PPP6R3: variants seen among roughly 807,000 people sequenced by gnomAD.
The protein encoded by PPP6R3 is serine/threonine-protein phosphatase 6 regulatory subunit 3.
PPP6R3 carries 38 observed loss-of-function variants against 110.7 expected under a neutral mutation model. The ratio of observed to expected loss-of-function variants is 0.34; its 90% CI spans 0.26 to 0.45. The LOEUF is 0.45. PPP6R3 is among the 20% of genes least tolerant of loss of function. The probability of loss-of-function intolerance (pLI) is 1.00; values close to 1 mark genes in which losing one functional copy is unlikely to be tolerated. For missense variants in PPP6R3, 870 were observed against 1,062.4 expected (o/e 0.82, Z 2.52); for synonymous variants, 369 against 373.5 (o/e 0.99, Z 0.14).
chr11:68,488,026 A>G (rs2098959381), intron 1 of PPP6R3, among the ~76,000 whole-genome samples: 2 of 152,138 alleles, frequency 1.3e-5, no homozygotes, highest in African/African-American at 4.8e-5. Context: ...TTTTTGCCTC[A>G]TGTATTTTGA....
intron 9 of PPP6R3, among the ~76,000 whole-genome samples, chr11:68,565,967 GGAGGGGCA>G (rs1342253929): frequency 6.6e-6 from 1 of 152,168 alleles, no homozygotes; most frequent in Admixed American, 6.5e-5. Flanking sequence ...ATGTGGATGG[GGAGGGGCA>G]GAAAGGGCAG....
intron 1 of PPP6R3, among the ~76,000 whole-genome samples, chr11:68,490,917 C>T (rs532493671): frequency 1.4e-4 from 22 of 152,158 alleles, no homozygotes; most frequent in African/African-American, 5.3e-4. Flanking sequence ...TGCTAGTGGC[C>T]GGGCATGGCC....
chr11:68,568,495 T>A (rs534708962), intron 10 of PPP6R3, among the ~76,000 whole-genome samples: 16 of 152,300 alleles, frequency 1.1e-4, no homozygotes, highest in African/African-American at 3.6e-4. Flanking sequence ...AATATGGCAT[T>A]TTGTACTTTT....
chr11:68,513,507 C>T (rs1320620551), intron 1 of PPP6R3, among the ~76,000 whole-genome samples: 2 of 152,204 alleles, frequency 1.3e-5, no homozygotes, highest in Admixed American at 6.5e-5. Context: ...ACATAACAGA[C>T]TTTGAAACAG....
Position 68,476,331 on chromosome 11 carries a change from C to T in PPP6R3, c.-158+15504C>T, listed in dbSNP as rs530461009. Among the ~76,000 whole-genome samples, 104 of 152,208 alleles carry T rather than the reference C, an allele frequency of 6.8e-4. No individual in the cohort carries two copies. In the East Asian group the frequency reaches 0.012, roughly 18 times the overall value. ...TACGAAAACCAGTCAGGCGTGGCGGCGCACGCCTGCAATCGCAGGCACTGG... is the reference window on the plus strand; with the variant it reads ...TACGAAAACCAGTCAGGCGTGGCGGTGCACGCCTGCAATCGCAGGCACTGG... On this transcript the variant is annotated intron_variant, in intron 1 of 23. Coordinates refer to ENST00000393800, the MANE Select transcript of PPP6R3 (RefSeq NM_001164161.2).
chr11:68,553,015 G>A (rs77920578), intron 6 of PPP6R3, among the ~76,000 whole-genome samples: 4,456 of 152,240 alleles, frequency 0.029, 250 homozygotes, highest in African/African-American at 0.1. Flanking sequence ...AAATTATACT[G>A]GCCAGTTGAT....
At chr11:68,467,993 C>G (rs1166568473) in intron 1 of PPP6R3, among the ~76,000 whole-genome samples, 1 of 152,116 alleles carries the variant, frequency 6.6e-6, no homozygotes, top group Non-Finnish European at 1.5e-5. Flanking sequence ...AGGCTGGTCT[C>G]AAACTCCTGA....
At chr11:68,554,613 G>T (rs149730086) in intron 7 of PPP6R3, among the ~76,000 whole-genome samples, 1 of 152,298 alleles carries the variant, frequency 6.6e-6, no homozygotes. Context: ...ATTTTATTCA[G>T]CAGCTTTTGT....
In PPP6R3 at chr11:68,613,437, T is replaced by C. The variant is rs1944486685; in HGVS notation, c.*320T>C. The C allele has an allele frequency of 9.6e-7, 1 of 1,044,084 alleles. No homozygotes were observed. Among genetic ancestry groups the C allele is most frequent in the Non-Finnish European group, 1.2e-6 (1 of 868,242 alleles). The allele number at this position is 1,044,084 out of a possible 1,614,324, so 64.7% of individuals were successfully genotyped here. On this transcript the variant is annotated 3_prime_UTR_variant, in exon 24 of 24. Transcript: ENST00000393800. ...ACTATAGTTAAAATGGCTGTAAGAA[T>C]AGTTTTATAAAAGTGAATACACAGA... is the stretch of plus-strand genomic sequence containing the variant.
chr11:68,540,623 C>T (rs942566266), intron 3 of PPP6R3, among the ~76,000 whole-genome samples: 8 of 152,196 alleles, frequency 5.3e-5, no homozygotes, highest in Admixed American at 4.6e-4. Context: ...CCTAATAAGC[C>T]TGGGAGCATT....
At position 68,576,033 on chromosome 11, in the gene PPP6R3, C is replaced by T. The variant is rs1413152195; in HGVS notation, c.1535C>T (p.Thr512Met). The T allele has an allele frequency of 5.0e-6, 8 of 1,603,912 alleles. No individual in the cohort carries two copies. Among genetic ancestry groups the T allele is most frequent in the South Asian group, 1.1e-5 (1 of 90,394 alleles). ...TTAGGAGAAACTAACAAGAGGAACA[C>T]GGTAGATCTAGTAGGTTTTACAAGG... ...SSLGETNKRN[T>M]VDLVTTCHIH... Residue 512 changes from threonine (T) to methionine (M), a missense_variant, in exon 14 of 24, where the codon ACG becomes ATG. Thr to Met is a moderately conservative substitution (Grantham distance 81). Coordinates refer to ENST00000393800, the MANE Select transcript of PPP6R3 (RefSeq NM_001164161.2).
chr11:68,603,468 A>G lies in PPP6R3; in HGVS notation c.2426A>G (p.Lys809Arg). 1.2e-6 allele frequency: 2 copies of G among 1,614,232 alleles called. No homozygotes were observed. The highest frequency in any genetic ancestry group is 2.2e-5 in the South Asian group (2 of 91,088). The stretch of plus-strand genomic sequence containing the variant: ...ACGCTCAGCCTCACTGTAGATGCCA[A>G]GACAGAGACTGCGGTCTTCAAAAGG... Reference protein sequence around the residue: ...KETLSLTVDAKTETAVFKSEE... With the variant: ...KETLSLTVDARTETAVFKSEE... The change falls in exon 22 of 24, where the codon AAG (lysine) becomes AGG (arginine). Residue 809 changes from lysine to arginine, a missense_variant. Coordinates refer to ENST00000393800, the MANE Select transcript of PPP6R3 (RefSeq NM_001164161.2).
intron 1 of PPP6R3, among the ~76,000 whole-genome samples, chr11:68,518,082 T>G (rs997245090): frequency 1.3e-5 from 2 of 152,246 alleles, no homozygotes; most frequent in African/African-American, 4.8e-5. Context: ...CCTCATCATT[T>G]TCATAACTGA....
chr11:68,482,665 CTTAG>C (rs1432075719), intron 1 of PPP6R3, among the ~76,000 whole-genome samples: 1 of 151,616 alleles, frequency 6.6e-6, no homozygotes, highest in Non-Finnish European at 1.5e-5. Context: ...GATAGAAAGT[CTTAG>C]TTTTTTAAAA....
At chr11:68,608,653 G>A (rs1941684430) in intron 22 of PPP6R3, among the ~76,000 whole-genome samples, 1 of 152,222 alleles carries the variant, frequency 6.6e-6, no homozygotes, top group South Asian at 2.1e-4. Context: ...CTTTGGTTGG[G>A]AGAAGCCATG....
At chr11:68,472,096 C>T (rs889953640) in intron 1 of PPP6R3, among the ~76,000 whole-genome samples, 1 of 151,988 alleles carries the variant, frequency 6.6e-6, no homozygotes, top group Non-Finnish European at 1.5e-5. Flanking sequence ...GAAGACAGCA[C>T]GATTTGTTAT....
chr11:68,511,059 G>A (rs1259989003), intron 1 of PPP6R3, among the ~76,000 whole-genome samples: 1 of 148,124 alleles, frequency 6.8e-6, no homozygotes, highest in Non-Finnish European at 1.5e-5. Context: ...ACTACATTAC[G>A]ACCATGCATA....
At chr11:68,498,062 A>G (rs1273570863) in intron 1 of PPP6R3, among the ~76,000 whole-genome samples, 1 of 152,152 alleles carries the variant, frequency 6.6e-6, no homozygotes, top group East Asian at 1.9e-4. Flanking sequence ...TTTCTATTAT[A>G]AGCTCTTTGG....
intron 1 of PPP6R3, among the ~76,000 whole-genome samples, chr11:68,514,541 C>T (rs1406359062): frequency 6.6e-6 from 1 of 152,082 alleles, no homozygotes; most frequent in Admixed American, 6.6e-5. Flanking sequence ...TGTAAAGTGA[C>T]CTATGACGTA....
Sources: gnomAD v4.1 joint callset for allele counts (sites outside exome capture counted in the v4.1 genomes callset) on GRCh38, gnomAD v4.1.1 for gene constraint, MANE v1.5 for transcripts, NCBI Gene and HGNC (gene_info 2026-07-23, HGNC 2026-07-21) for gene names.